Variants in ESRRG observed in about 807,000 individuals in gnomAD.
The protein encoded by ESRRG is estrogen-related receptor gamma.
Under a neutral mutation model 44.0 loss-of-function variants are expected in ESRRG, and 13 were observed. The ratio of observed to expected loss-of-function variants is 0.30; its 90% CI spans 0.19 to 0.47. ESRRG has a LOEUF of 0.47. Among genes scored for constraint, ESRRG ranks in the 20% least tolerant of loss-of-function variants. ESRRG has a pLI of 1.00. For missense variants in ESRRG, 395 were observed against 580.6 expected (o/e 0.68, Z 3.29); for synonymous variants, 215 against 214.6 (o/e 1.00, Z -0.02).
At chr1:216,655,130 A>G (rs1471042099) in intron 2 of ESRRG, among the ~76,000 whole-genome samples, 2 of 152,182 alleles carry the variant, frequency 1.3e-5, no homozygotes, top group Non-Finnish European at 2.9e-5. Flanking sequence ...GAGAAATGTA[A>G]AAGCAGGGGA....
intron 1 of ESRRG, among the ~76,000 whole-genome samples, chr1:216,722,994 C>A (rs2086679797): frequency 1.3e-5 from 2 of 152,166 alleles, no homozygotes; most frequent in Non-Finnish European, 2.9e-5. Context: ...AAGTGACTGT[C>A]ACACAGCTGT....
At chr1:216,670,393 T>C (rs1415819068) in intron 2 of ESRRG, among the ~76,000 whole-genome samples, 1 of 152,240 alleles carries the variant, frequency 6.6e-6, no homozygotes, top group Non-Finnish European at 1.5e-5. Context: ...CTAATCTTAA[T>C]GCCCCATGTT....
At chr1:216,727,704 T>C (rs1490997174), upstream of ESRRG, among the ~76,000 whole-genome samples, 1 of 152,180 alleles carries the variant, frequency 6.6e-6, no homozygotes, top group Non-Finnish European at 1.5e-5. Flanking sequence ...GAAGCAATCA[T>C]TTCTGCTGAA....
rs77328484 is a variant in ESRRG, at chr1:216,749,309, A to G, written c.-13-71818T>C. 1.9e-3 allele frequency among the ~76,000 whole-genome samples: 283 copies of G among 152,244 alleles called. 3 individuals carry two copies. The East Asian group carries it at 0.039, about 21-fold the overall frequency. ...CGTGTCTCTCAGGTTCCCTAAGACC[A>G]TACCGACGGCACCTGTTAAAGCTGC... is the stretch of plus-strand genomic sequence containing the variant. On this transcript the variant is annotated intron_variant, in intron 2 of 7. Coordinates refer to the ESRRG transcript ENST00000359162.
At chr1:216,811,191 A>G (rs997259203) in intron 2 of ESRRG, among the ~76,000 whole-genome samples, 4 of 152,172 alleles carry the variant, frequency 2.6e-5, no homozygotes, top group African/African-American at 9.7e-5. Context: ...AGAAGATAGG[A>G]CCTATCAAAT....
chr1:216,975,926 C>T (rs2072783744), intron 1 of ESRRG, among the ~76,000 whole-genome samples: 1 of 152,190 alleles, frequency 6.6e-6, no homozygotes, highest in Non-Finnish European at 1.5e-5. Flanking sequence ...CAAAGCTCAG[C>T]AGGAAATGGT....
intron 2 of ESRRG, among the ~76,000 whole-genome samples, chr1:216,904,289 A>T (rs534452494): frequency 6.6e-6 from 1 of 152,224 alleles, no homozygotes; most frequent in South Asian, 2.1e-4. Context: ...CAGATGACAT[A>T]GTAAAACTGA....
At chr1:216,847,373 AACAG>A (rs2095769283) in intron 2 of ESRRG, among the ~76,000 whole-genome samples, 1 of 152,190 alleles carries the variant, frequency 6.6e-6, no homozygotes, top group South Asian at 2.1e-4. Context: ...CTTTATTCTC[AACAG>A]ACAAAGAATT....
chr1:217,044,913 G>T (rs976021521), intron 1 of ESRRG, among the ~76,000 whole-genome samples: 9 of 152,070 alleles, frequency 5.9e-5, no homozygotes, highest in African/African-American at 2.2e-4. Context: ...TTTTTAGTAA[G>T]TACTCATTAA....
At chr1:217,137,037 G>T (rs2093059554) in intron 1 of ESRRG, among the ~76,000 whole-genome samples, 1 of 152,158 alleles carries the variant, frequency 6.6e-6, no homozygotes, top group Admixed American at 6.5e-5. Flanking sequence ...AGTCAAGCCC[G>T]TCCCGTGGGC....
chr1:216,578,524 T>C (rs2062107520), intron 3 of ESRRG, among the ~76,000 whole-genome samples: 1 of 152,000 alleles, frequency 6.6e-6, no homozygotes, highest in Admixed American at 6.6e-5. Context: ...CTTAGTAGAA[T>C]AAACAAGAAG....
intron 1 of ESRRG, among the ~76,000 whole-genome samples, chr1:217,062,931 G>GTGCAC (rs558235545): frequency 1.1e-4 from 17 of 152,274 alleles, no homozygotes; most frequent in African/African-American, 4.1e-4. Context: ...CAAGGATAAG[G>GTGCAC]TGCACGCTAC....
chr1:216,546,740 T>C (rs2054625993), intron 5 of ESRRG, among the ~76,000 whole-genome samples: 1 of 152,006 alleles, frequency 6.6e-6, no homozygotes, highest in South Asian at 2.1e-4. Flanking sequence ...AGTAATTTGG[T>C]TTAGCATAGT....
At chr1:216,980,752 T>G (rs1390360667) in intron 1 of ESRRG, among the ~76,000 whole-genome samples, 1 of 152,164 alleles carries the variant, frequency 6.6e-6, no homozygotes, top group Non-Finnish European at 1.5e-5. Context: ...CATATCCCAC[T>G]GCATGGCATA....
intron 1 of ESRRG, among the ~76,000 whole-genome samples, chr1:217,045,270 AC>A (rs2084660600): frequency 6.6e-6 from 1 of 152,164 alleles, no homozygotes; most frequent in Admixed American, 6.6e-5. Flanking sequence ...AAAAAAATTA[AC>A]CCTTGCGGGA....
At chr1:216,649,679 G>A (rs1485711682) in intron 3 of ESRRG, among the ~76,000 whole-genome samples, 1 of 151,876 alleles carries the variant, frequency 6.6e-6, no homozygotes. Context: ...CTTTCTCAAG[G>A]GAAGAGCAAA....
intron 2 of ESRRG, among the ~76,000 whole-genome samples, chr1:216,836,494 C>T (rs540000034): frequency 2.0e-5 from 3 of 152,250 alleles, no homozygotes; most frequent in East Asian, 1.9e-4. Flanking sequence ...TCTACAATCA[C>T]GGGCCTACCA....
At chr1:216,859,354 A>G (rs1227444413) in intron 2 of ESRRG, among the ~76,000 whole-genome samples, 1 of 152,110 alleles carries the variant, frequency 6.6e-6, no homozygotes, top group Non-Finnish European at 1.5e-5. Flanking sequence ...AGGCCAACAG[A>G]CTCCTTCAAT....
intron 1 of ESRRG, among the ~76,000 whole-genome samples, chr1:216,711,033 T>C (rs1357472243): frequency 6.6e-6 from 1 of 152,180 alleles, no homozygotes; most frequent in East Asian, 1.9e-4. Context: ...AAAAACGTAC[T>C]GAGTCCTGAC....
Sources: gnomAD v4.1 joint callset for allele counts (sites outside exome capture counted in the v4.1 genomes callset) on GRCh38, gnomAD v4.1.1 for gene constraint, MANE v1.5 for transcripts, NCBI Gene and HGNC (gene_info 2026-07-23, HGNC 2026-07-21) for gene names.